The following TANC1 variants were observed in gnomAD, a reference collection of about 807,000 sequenced individuals.
TANC1 encodes tetratricopeptide repeat, ankyrin repeat and coiled-coil containing 1, also known as protein TANC1.
A neutral mutation model predicts 149.7 loss-of-function variants in TANC1; 77 were observed. The ratio of observed to expected loss-of-function variants is 0.51; its 90% CI spans 0.43 to 0.62. TANC1 has a LOEUF of 0.62. Among genes scored for constraint, TANC1 ranks in the 20% least tolerant of loss-of-function variants. The pLI is 0.00. For synonymous variants in TANC1, 854 were observed against 925.0 expected (o/e 0.92, Z 1.39); for missense variants, 1,985 against 2,321.8 (o/e 0.85, Z 2.98).
chr2:159,009,327 C>T (rs2037530603), intron 2 of TANC1, among the ~76,000 whole-genome samples: 1 of 152,238 alleles, frequency 6.6e-6, no homozygotes, highest in African/African-American at 2.4e-5. Flanking sequence ...TTTATTGCAG[C>T]CCTGTTCGCA....
In TANC1 at chr2:159,182,238, A is replaced by G. The variant is rs371636641; in HGVS notation, c.2510+3075A>G. On this transcript the variant is annotated intron_variant, in intron 14 of 26. Transcript: ENST00000263635. The stretch of plus-strand genomic sequence containing the variant: ...AAAAGAAAGAGTTTTCATTCATATC[A>G]CCTAGACTTAAACATATTTACATTT... 5.9e-5 allele frequency among the ~76,000 whole-genome samples: 9 copies of G among 152,010 alleles called. No homozygotes were observed. In the East Asian group the frequency reaches 1.7e-3, roughly 29 times the overall value.
chr2:159,060,768 A>G (rs1170402776), intron 2 of TANC1, among the ~76,000 whole-genome samples: 1 of 152,126 alleles, frequency 6.6e-6, no homozygotes, highest in African/African-American at 2.4e-5. Flanking sequence ...CAGAAGAGAA[A>G]CGTTTTACTG....
chr2:159,107,874 C>T (rs375275730), intron 4 of TANC1, among the ~76,000 whole-genome samples: 1 of 152,180 alleles, frequency 6.6e-6, no homozygotes, highest in African/African-American at 2.4e-5. Context: ...CCCTTTATTT[C>T]GCGTCTCTGC....
At chr2:159,217,686 AT>A in intron 20 of TANC1, 56 bp downstream of exon 20, 1 of 1,595,264 alleles carries the variant, frequency 6.3e-7, no homozygotes, top group Non-Finnish European at 8.6e-7. Flanking sequence ...GGAGTTCACT[AT>A]TGCCTGGCTC....
chr2:158,992,028 A>C (rs1435805263), intron 1 of TANC1, among the ~76,000 whole-genome samples: 1 of 152,146 alleles, frequency 6.6e-6, no homozygotes, highest in Non-Finnish European at 1.5e-5. Context: ...TATAAATGTT[A>C]AGTGATGTTA....
intron 2 of TANC1, among the ~76,000 whole-genome samples, chr2:159,061,569 A>G (rs991099359): frequency 1.3e-5 from 2 of 152,202 alleles, no homozygotes; most frequent in African/African-American, 2.4e-5. Context: ...TCTTCATTGT[A>G]CTTAAGCGTA....
rs1448991597 is a variant in TANC1, at chr2:159,186,991, C to G, written c.2709C>G (p.Ala903=). The change falls in exon 16 of 27, where the codon GCC becomes GCG. Residue 903 remains alanine (A), a synonymous_variant. Coordinates refer to ENST00000263635, the MANE Select transcript of TANC1 (RefSeq NM_033394.3). The stretch of plus-strand genomic sequence containing the variant: ...CCGAGGGGCTGTCCGCCGCCCTGGC[C>G]TCTCTCAGGAATCTCTATACTCCCA... ...YSTEGLSAAL[A]SLRNLYTPNV... is the part of the protein sequence containing the mutation. The G allele has an allele frequency of 1.2e-6, 2 of 1,614,090 alleles. No homozygotes were observed. The highest frequency in any genetic ancestry group is 8.5e-7 in the Non-Finnish European group (1 of 1,180,036).
chr2:159,110,414 A>G (rs956735811), intron 4 of TANC1, among the ~76,000 whole-genome samples: 1 of 152,214 alleles, frequency 6.6e-6, no homozygotes. Context: ...TTGATCTGGG[A>G]CTTCCCAGCC....
At chr2:158,978,091 G>A (rs1416835484) in intron 1 of TANC1, among the ~76,000 whole-genome samples, 3 of 151,954 alleles carry the variant, frequency 2.0e-5, no homozygotes, top group Admixed American at 1.3e-4. Flanking sequence ...TAAGTTGTTC[G>A]CCTATTGGCT....
At chr2:158,999,678 GCTTCA>G (rs2036453349) in intron 1 of TANC1, among the ~76,000 whole-genome samples, 1 of 152,210 alleles carries the variant, frequency 6.6e-6, no homozygotes, top group Non-Finnish European at 1.5e-5. Context: ...GGAAGGGGAT[GCTTCA>G]CAGTCTAGAT....
intron 18 of TANC1, among the ~76,000 whole-genome samples, chr2:159,197,884 A>C (rs541219039): frequency 3.3e-5 from 5 of 152,314 alleles, no homozygotes; most frequent in African/African-American, 1.2e-4. Flanking sequence ...CCATTATCAC[A>C]AATAGATGCA....
At chr2:159,047,445 A>G (rs951634615) in intron 2 of TANC1, among the ~76,000 whole-genome samples, 10 of 152,114 alleles carry the variant, frequency 6.6e-5, no homozygotes, top group Non-Finnish European at 1.3e-4. Flanking sequence ...TGGGCCCCCA[A>G]ATCGCTAAAG....
chr2:159,050,987 A>G lies in TANC1; in HGVS notation c.-15-14909A>G, dbSNP rs148656746. Among the ~76,000 whole-genome samples the G allele has an allele frequency of 2.1e-3, 322 of 152,348 alleles. 2 individuals carry two copies. The highest frequency in any genetic ancestry group is 0.01 in the Middle Eastern group (3 of 294). On this transcript the variant is annotated intron_variant, in intron 2 of 26. Coordinates refer to ENST00000263635, the MANE Select transcript of TANC1 (RefSeq NM_033394.3). ...AATCAGATATTTTAAAAATTATTTT[A>G]TATCCAGCTTTGTTGCAGACTGACA...
chr2:159,217,306 G>T (rs1271950645), intron 19 of TANC1, among the ~76,000 whole-genome samples, 191 bp from the exon 20 acceptor site: 2 of 152,148 alleles, frequency 1.3e-5, no homozygotes, highest in Non-Finnish European at 2.9e-5. Flanking sequence ...TAGGACCTGG[G>T]CCTTGACATG....
At chr2:159,088,147 C>T (rs574001157) in intron 3 of TANC1, among the ~76,000 whole-genome samples, 331 of 152,084 alleles carry the variant, frequency 2.2e-3, no homozygotes, top group Admixed American at 4.4e-3. Context: ...AACTTTGTTA[C>T]AGCAGCCCCA....
intron 1 of TANC1, among the ~76,000 whole-genome samples, chr2:158,978,682 G>A (rs1269003930): frequency 3.3e-5 from 5 of 152,184 alleles, no homozygotes; most frequent in East Asian, 1.9e-4. Flanking sequence ...CATCCCCACT[G>A]GGAGATGGGA....
chr2:159,212,960 A>G (rs2059098075), intron 19 of TANC1, among the ~76,000 whole-genome samples: 1 of 152,018 alleles, frequency 6.6e-6, no homozygotes, highest in South Asian at 2.1e-4. Flanking sequence ...AAACAAAGAT[A>G]AATGGTTTGG....
At chr2:159,224,202 C>A (rs762298250) in intron 22 of TANC1, 30 bp from the exon 23 acceptor site, 5 of 1,613,334 alleles carry the variant, frequency 3.1e-6, no homozygotes, top group Non-Finnish European at 4.2e-6. Context: ...CTGTTCCCAG[C>A]TGCTGCTTAG....
chr2:159,198,923 TAAG>T (rs2058054481), intron 18 of TANC1, 49 bp from the exon 19 acceptor site: 1 of 1,320,230 alleles, frequency 7.6e-7, no homozygotes, highest in Non-Finnish European at 1.1e-6. Context: ...TGGGCTATAA[TAAG>T]CACCTCTTGC....
Sources: allele counts gnomAD v4.1 joint callset (sites outside exome capture counted in the v4.1 genomes callset), GRCh38; gene constraint gnomAD v4.1.1; transcripts MANE v1.5; gene names NCBI Gene and HGNC (gene_info 2026-07-23, HGNC 2026-07-21).